MAP4K5: variants seen among roughly 807,000 people sequenced by gnomAD.
MAP4K5 encodes mitogen-activated protein kinase kinase kinase kinase 5, also known as MAPK/ERK kinase kinase kinase 5.
MAP4K5 carries 82 observed loss-of-function variants against 135.6 expected under a neutral mutation model. The ratio of observed to expected loss-of-function variants is 0.60; its 90% CI spans 0.51 to 0.73. MAP4K5 has a LOEUF of 0.73. MAP4K5 is among the 30% of genes least tolerant of loss of function. MAP4K5 has a pLI of 0.00. For missense variants in MAP4K5, 907 were observed against 1,010.9 expected (o/e 0.90, Z 1.39); for synonymous variants, 347 against 335.0 (o/e 1.04, Z -0.39).
intron 3 of MAP4K5, among the ~76,000 whole-genome samples, chr14:50,492,553 C>A (rs976953819): frequency 6.8e-6 from 1 of 147,914 alleles, no homozygotes; most frequent in African/African-American, 2.5e-5. Flanking sequence ...ATGATCACCA[C>A]TGCACTCCAG....
At chr14:50,484,400 T>C (rs2037318913) in intron 5 of MAP4K5, among the ~76,000 whole-genome samples, 1 of 152,200 alleles carries the variant, frequency 6.6e-6, no homozygotes, top group Non-Finnish European at 1.5e-5. Context: ...GATAAGTTTT[T>C]TTGTAATTTA....
upstream of MAP4K5, among the ~76,000 whole-genome samples, chr14:50,534,966 TATGTC>T (rs375938216): frequency 6.2e-4 from 94 of 152,360 alleles, no homozygotes; most frequent in African/African-American, 2.1e-3. Flanking sequence ...ATATGTTAGT[TATGTC>T]ATGGTAACTG....
chr14:50,529,627 TA>T (rs1297603534), intron 2 of MAP4K5, among the ~76,000 whole-genome samples: 1 of 147,608 alleles, frequency 6.8e-6, no homozygotes, highest in African/African-American at 2.5e-5. Context: ...TCAAGATAGA[TA>T]ATAAACAAGA....
chr14:50,436,499 T>G (rs1042828739), intron 26 of MAP4K5, among the ~76,000 whole-genome samples: 2 of 151,914 alleles, frequency 1.3e-5, no homozygotes, highest in African/African-American at 4.8e-5. Context: ...TAACATCAGA[T>G]GACCTTTAGT....
rs371475085 is a variant in MAP4K5 at position 50,532,065 on chromosome 14, G to A, written c.-16C>T. 2.7e-6 allele frequency: 4 copies of A among 1,498,070 alleles called. No individual in the cohort carries two copies. The highest frequency in any genetic ancestry group is 1.4e-5 in the African/African-American group (1 of 71,886). 92.8% of individuals were successfully genotyped at this position (1,498,070 alleles called of 1,614,324 possible). On this transcript the variant is annotated 5_prime_UTR_variant, in exon 2 of 33. Coordinates refer to ENST00000682126, the MANE Select transcript of MAP4K5 (RefSeq NM_006575.6). ...GGGCCTCCATCTTCACTTAGGGCCCGGCCCCCGCCAGCTCACCCCGCGGCT... is the reference window on the plus strand; with the variant it reads ...GGGCCTCCATCTTCACTTAGGGCCCAGCCCCCGCCAGCTCACCCCGCGGCT...
chr14:50,425,942 GT>G lies in MAP4K5; in HGVS notation c.2361del (p.Lys787AsnfsTer28), dbSNP rs2035836183. 1 of 1,612,854 alleles carries G rather than the reference GT, an allele frequency of 6.2e-7. No individual in the cohort carries two copies. The highest frequency in any genetic ancestry group is 8.5e-7 in the Non-Finnish European group (1 of 1,179,286). ...TTGAAGCTTTTACCCTGCATCCCATGTTTCCAGAAAGCCAACACACTGTCTT... is the reference window on the plus strand; with the variant it reads ...TTGAAGCTTTTACCCTGCATCCCATGTTCCAGAAAGCCAACACACTGTCTT... ...CLQDSVLAFW[K>X]HGMQGKSFKS... On this transcript the variant is annotated frameshift_variant, in exon 31 of 33. Coordinates refer to ENST00000682126, the MANE Select transcript of MAP4K5 (RefSeq NM_006575.6). LOFTEE classifies it high-confidence loss of function.
chr14:50,504,639 T>TCA (rs980222121), intron 3 of MAP4K5, among the ~76,000 whole-genome samples, 161 bp downstream of exon 3: 15 of 152,130 alleles, frequency 9.9e-5, no homozygotes, highest in Non-Finnish European at 2.1e-4. Flanking sequence ...AACAAAACTG[T>TCA]CACATCAAAC....
chr14:50,454,705 CT>C (rs2036562415), intron 14 of MAP4K5, among the ~76,000 whole-genome samples: 1 of 151,982 alleles, frequency 6.6e-6, no homozygotes, highest in South Asian at 2.1e-4. Flanking sequence ...AATCTTATCT[CT>C]GAAGAAGCCT....
chr14:50,537,071 C>G (rs1182118373), upstream of MAP4K5, among the ~76,000 whole-genome samples: 1 of 152,192 alleles, frequency 6.6e-6, no homozygotes, highest in East Asian at 1.9e-4. Flanking sequence ...CATGGCAGAC[C>G]TTCCCATCAC....
At chr14:50,431,142 T>A (rs1252957364) in intron 28 of MAP4K5, among the ~76,000 whole-genome samples, 5 of 152,212 alleles carry the variant, frequency 3.3e-5, no homozygotes, top group Non-Finnish European at 7.3e-5. Flanking sequence ...TTGCACTGAT[T>A]TATACAAGTT....
chr14:50,546,927 T>C (rs2140154010), intron 1 of MAP4K5, among the ~76,000 whole-genome samples: 1 of 152,270 alleles, frequency 6.6e-6, no homozygotes, highest in African/African-American at 2.4e-5. Context: ...CATAGTGGTT[T>C]GCTGCACCCA....
intron 14 of MAP4K5, 81 bp from the exon 15 acceptor site, chr14:50,448,913 G>A: frequency 1.4e-6 from 1 of 697,416 alleles, no homozygotes; most frequent in Non-Finnish European, 2.5e-6. Context: ...GTTTGTATAT[G>A]GGGTGGGGGA....
At chr14:50,457,447 C>A (rs1316312078) in intron 13 of MAP4K5, among the ~76,000 whole-genome samples, 1 of 152,088 alleles carries the variant, frequency 6.6e-6, no homozygotes, top group African/African-American at 2.4e-5. Context: ...GCCCCTTAGG[C>A]CTTCAGCTCA....
At chr14:50,559,414 T>C (rs1158654667) in intron 1 of MAP4K5, 1 of 152,206 alleles carries the variant, frequency 6.6e-6, no homozygotes, top group Admixed American at 6.5e-5. Flanking sequence ...AAGGGAAAGA[T>C]TGAAAGTATT....
intron 3 of MAP4K5, among the ~76,000 whole-genome samples, chr14:50,504,187 C>A (rs1010964600): frequency 1.7e-4 from 26 of 152,052 alleles, no homozygotes; most frequent in African/African-American, 4.6e-4. Flanking sequence ...ACTTATCCTA[C>A]GTGCCTAAGC....
intron 28 of MAP4K5, among the ~76,000 whole-genome samples, chr14:50,430,000 C>CTT (rs930309130): frequency 6.8e-6 from 1 of 147,486 alleles, no homozygotes; most frequent in Non-Finnish European, 1.5e-5. Context: ...TAGAGCAGTC[C>CTT]TTTTTTTTTT....
At chr14:50,531,243 G>T (rs75264362) in intron 2 of MAP4K5, among the ~76,000 whole-genome samples, 2 of 152,124 alleles carry the variant, frequency 1.3e-5, no homozygotes, top group Non-Finnish European at 2.9e-5. Context: ...TACTCTCATC[G>T]TTTGTCTTAA....
intron 9 of MAP4K5, among the ~76,000 whole-genome samples, chr14:50,469,427 A>G (rs2036906172): frequency 6.6e-6 from 1 of 152,206 alleles, no homozygotes; most frequent in Non-Finnish European, 1.5e-5. Flanking sequence ...TCAGAAGTAG[A>G]GGCTAGATTA....
intron 23 of MAP4K5, among the ~76,000 whole-genome samples, chr14:50,439,334 A>T (rs1208172820): frequency 2.9e-5 from 4 of 136,900 alleles, no homozygotes; most frequent in Admixed American, 2.2e-4. Flanking sequence ...GGTAAGAATT[A>T]AAAAAAAAAA....
Sources: gnomAD v4.1 joint callset for allele counts (sites outside exome capture counted in the v4.1 genomes callset) on GRCh38, gnomAD v4.1.1 for gene constraint, MANE v1.5 for transcripts, NCBI Gene and HGNC (gene_info 2026-07-23, HGNC 2026-07-21) for gene names.